TBCEL: variants seen among roughly 807,000 people sequenced by gnomAD.
TBCEL encodes the protein tubulin folding cofactor E like.
Under a neutral mutation model 44.2 loss-of-function variants are expected in TBCEL, and 15 were observed. The ratio of observed to expected loss-of-function variants is 0.34; its 90% CI spans 0.23 to 0.52. The LOEUF (loss-of-function observed/expected upper bound fraction) is 0.52, where lower values mean the gene tolerates loss of function less well. TBCEL is among the 20% of genes least tolerant of loss of function. The probability of loss-of-function intolerance (pLI) is 0.95; values close to 1 mark genes in which losing one functional copy is unlikely to be tolerated. For synonymous variants in TBCEL, 171 were observed against 185.4 expected (o/e 0.92, Z 0.63); for missense variants, 319 against 506.3 (o/e 0.63, Z 3.55).
At chr11:121,080,275 G>T (rs750812698) in intron 8 of TBCEL, among the ~76,000 whole-genome samples, 23 of 152,108 alleles carry the variant, frequency 1.5e-4, no homozygotes, top group Non-Finnish European at 3.2e-4. Flanking sequence ...TAAAGACTTC[G>T]GTTGATTCAA....
chr11:121,058,280 G>T lies in TBCEL; in HGVS notation c.713-65G>T, dbSNP rs540334821. ...AGTTACTAATTGAGCTAATATTTTT[G>T]CTATGTTTCTCTTCTTATTTATGTG... On this transcript the variant is annotated intron_variant, in intron 6 of 8. Coordinates refer to ENST00000683345, the MANE Select transcript of TBCEL (RefSeq NM_001363644.2). 8.6e-5 allele frequency: 133 copies of T among 1,540,238 alleles called. 1 individual carries two copies. The South Asian group carries it at 1.4e-3, about 17-fold the overall frequency.
In TBCEL at chr11:121,031,905, G is replaced by T. The variant is rs563171403; in HGVS notation, c.-125-4600G>T. Among the ~76,000 whole-genome samples the T allele has an allele frequency of 9.9e-5, 15 of 152,056 alleles. No homozygotes were observed. The East Asian group carries it at 2.9e-3, about 29-fold the overall frequency. The stretch of plus-strand genomic sequence containing the variant: ...ACTCCTGGGCTCAAGCGATCCTTCT[G>T]CCTTGGCCTCCCAAAGTCCTGGAAT... On this transcript the variant is annotated intron_variant, in intron 1 of 8. Coordinates refer to ENST00000683345, the MANE Select transcript of TBCEL (RefSeq NM_001363644.2).
intron 8 of TBCEL, 115 bp downstream of exon 8, chr11:121,060,200 T>C: frequency 1.5e-6 from 1 of 684,944 alleles, no homozygotes; most frequent in Non-Finnish European, 2.5e-6. Context: ...AGAACTTTGT[T>C]AATACGTTAA....
rs747470552 is a variant in TBCEL at position 121,045,717 on chromosome 11, C to T, written c.27C>T (p.Phe9=). The change falls in exon 3 of 9, where the codon TTC becomes TTT. Residue 9 remains phenylalanine, a synonymous_variant. Coordinates refer to ENST00000683345, the MANE Select transcript of TBCEL (RefSeq NM_001363644.2). MDQPSGRS[F]MQVLCEKYSP... is the part of the protein sequence containing the mutation. ...TGGATCAACCTAGTGGAAGAAGTTT[C>T]ATGCAAGTATTATGTGAAAAATATA... is the stretch of plus-strand genomic sequence containing the variant. 22 of 1,602,846 alleles carry T rather than the reference C, an allele frequency of 1.4e-5. No individual in the cohort carries two copies. The highest frequency in any genetic ancestry group is 1.9e-5 in the Non-Finnish European group (22 of 1,176,868).
intron 8 of TBCEL, among the ~76,000 whole-genome samples, chr11:121,062,381 A>T (rs1472847600): frequency 6.6e-6 from 1 of 152,150 alleles, no homozygotes; most frequent in African/African-American, 2.4e-5. Context: ...GTCATTGATT[A>T]TCCAGTATTA....
At chr11:121,072,601 C>T (rs1409078564) in intron 8 of TBCEL, among the ~76,000 whole-genome samples, 2 of 152,074 alleles carry the variant, frequency 1.3e-5, no homozygotes, top group Admixed American at 6.5e-5. Flanking sequence ...TCCATTAAAA[C>T]ATAAAGTAGC....
intron 8 of TBCEL, among the ~76,000 whole-genome samples, chr11:121,072,772 T>A (rs1945959608): frequency 6.6e-6 from 1 of 152,166 alleles, no homozygotes; most frequent in African/African-American, 2.4e-5. Flanking sequence ...TGCATCTTTT[T>A]AAAGAAACCT....
intron 8 of TBCEL, among the ~76,000 whole-genome samples, chr11:121,064,625 C>T (rs1037736364): frequency 6.6e-6 from 1 of 152,062 alleles, no homozygotes; most frequent in Admixed American, 6.6e-5. Context: ...AAATGGCAAC[C>T]TGATTTCAGT....
At chr11:121,080,852 A>G (rs902084957) in intron 8 of TBCEL, among the ~76,000 whole-genome samples, 9 of 152,140 alleles carry the variant, frequency 5.9e-5, no homozygotes, top group Admixed American at 4.6e-4. Context: ...CTCTCCTAAA[A>G]ATGACCACCG....
intron 1 of TBCEL, among the ~76,000 whole-genome samples, chr11:121,032,596 A>G (rs1945164506): frequency 6.6e-6 from 1 of 152,226 alleles, no homozygotes; most frequent in Non-Finnish European, 1.5e-5. Flanking sequence ...CATTTTCTCC[A>G]TAAGGCATAT....
chr11:121,083,759 G>GT (rs1173172280), intron 8 of TBCEL, among the ~76,000 whole-genome samples: 4 of 151,770 alleles, frequency 2.6e-5, no homozygotes, highest in African/African-American at 7.3e-5. Flanking sequence ...TTTTGTTTTT[G>GT]TTTTTTACCA....
At position 121,089,735 on chromosome 11, in the gene TBCEL, T is replaced by G. The variant is rs1366768629; in HGVS notation, c.*2639T>G. ...CTTATCTGTATTTTAATATTGACTT[T>G]GTCCAGATTCAGTGAGAACATAGTA... On this transcript the variant is annotated 3_prime_UTR_variant, in exon 9 of 9. Coordinates refer to ENST00000683345, the MANE Select transcript of TBCEL (RefSeq NM_001363644.2). The G allele has an allele frequency of 6.6e-6, 1 of 152,200 alleles. No homozygotes were observed. Among genetic ancestry groups the G allele is most frequent in the African/African-American group, 2.4e-5 (1 of 41,452 alleles). The allele number at this position is 152,200 out of a possible 1,614,324, so 9.4% of individuals were successfully genotyped here.
At chr11:121,058,231 T>C (rs749112300) in intron 6 of TBCEL, 114 bp from the exon 7 acceptor site, 27 of 1,289,256 alleles carry the variant, frequency 2.1e-5, no homozygotes, top group Non-Finnish European at 2.9e-5. Flanking sequence ...ACCGTTTAGT[T>C]TATGATCATT....
At chr11:121,051,966 C>G (rs1945536946) in intron 4 of TBCEL, among the ~76,000 whole-genome samples, 1 of 151,740 alleles carries the variant, frequency 6.6e-6, no homozygotes, top group Non-Finnish European at 1.5e-5. Context: ...GTTCTCCCTC[C>G]TGGATACTCT....
At chr11:121,025,030 AGAG>A (rs529077344) in intron 1 of TBCEL, among the ~76,000 whole-genome samples, 13 of 152,196 alleles carry the variant, frequency 8.5e-5, no homozygotes, top group Non-Finnish European at 1.2e-4. Flanking sequence ...ATTGGTGAAG[AGAG>A]GAGATTTAAT....
Position 121,052,743 on chromosome 11 carries a change from C to T in TBCEL, c.274-808C>T, listed in dbSNP as rs146663865. Among the ~76,000 whole-genome samples the T allele has an allele frequency of 5.2e-3, 785 of 151,926 alleles. 11 individuals carry two copies. The highest frequency in any genetic ancestry group is 0.016 in the Admixed American group (238 of 15,246). ...ATGGCTCTGAGTTTTAAATCCCAGA[C>T]GTGACCTTTGTAACTGTAAGGCCTT... On this transcript the variant is annotated intron_variant, in intron 4 of 8. Transcript: ENST00000683345.
In TBCEL at chr11:121,055,542, G is replaced by A. The variant is rs1023012986; in HGVS notation, c.712+234G>A. 3.3e-5 allele frequency among the ~76,000 whole-genome samples: 5 copies of A among 151,702 alleles called. No individual in the cohort carries two copies. The South Asian group carries it at 6.2e-4, about 19-fold the overall frequency. On this transcript the variant is annotated intron_variant, in intron 6 of 8. Coordinates refer to ENST00000683345, the MANE Select transcript of TBCEL (RefSeq NM_001363644.2). ...ACAATTTATATTTTATACATTAAAG[G>A]GGTCATGCTATGAAAAAAGTGAAAT... is the stretch of plus-strand genomic sequence containing the variant.
At chr11:121,083,659 T>C (rs1453796643) in intron 8 of TBCEL, among the ~76,000 whole-genome samples, 4 of 152,216 alleles carry the variant, frequency 2.6e-5, no homozygotes, top group Non-Finnish European at 1.5e-5. Context: ...AGTCTAGGAG[T>C]ATACAGTTGT....
Position 121,041,806 on chromosome 11 carries a change from T to A in TBCEL, c.-17-3868T>A, listed in dbSNP as rs922957131. 4.4e-4 allele frequency among the ~76,000 whole-genome samples: 67 copies of A among 151,756 alleles called. 1 individual carries two copies. Among genetic ancestry groups the A allele is most frequent in the African/African-American group, 1.5e-3 (63 of 41,380 alleles). On this transcript the variant is annotated intron_variant, in intron 2 of 8. Transcript: ENST00000683345. ...CATTTCACAATCTTGATGTTCTAAT[T>A]CAAAACCTATGTATTAATGTGTGCC...
Sources: gnomAD v4.1 joint callset for allele counts (sites outside exome capture counted in the v4.1 genomes callset) on GRCh38, gnomAD v4.1.1 for gene constraint, MANE v1.5 for transcripts, NCBI Gene and HGNC (gene_info 2026-07-23, HGNC 2026-07-21) for gene names.